Variants in CLIP1 observed in about 807,000 individuals in gnomAD.
CLIP1 encodes CAP-Gly domain containing linker protein 1, also known as CAP-Gly domain-containing linker protein 1.
In CLIP1, 66 loss-of-function variants were observed where a neutral mutation model predicts 161.6. That is an observed-to-expected ratio of 0.41 (90% CI 0.33 to 0.50). CLIP1 has a LOEUF of 0.50. Among genes scored for constraint, CLIP1 ranks in the 20% least tolerant of loss-of-function variants. The pLI, the probability that CLIP1 is intolerant of heterozygous loss-of-function variation, is 0.27. For missense variants in CLIP1, 1,376 were observed against 1,702.0 expected (o/e 0.81, Z 3.37); for synonymous variants, 598 against 626.2 (o/e 0.96, Z 0.67).
At chr12:122,414,225 T>C (rs1253404763) in intron 1 of CLIP1, among the ~76,000 whole-genome samples, 2 of 152,194 alleles carry the variant, frequency 1.3e-5, no homozygotes, top group East Asian at 3.9e-4. Context: ...TGTAGCCTCC[T>C]GGGATCAGAT....
intron 12 of CLIP1, among the ~76,000 whole-genome samples, chr12:122,336,224 C>T (rs528755988): frequency 2.0e-5 from 3 of 152,170 alleles, no homozygotes; most frequent in Admixed American, 6.5e-5. Flanking sequence ...CAACAGAGGG[C>T]GCCTACGGCC....
intron 4 of CLIP1, among the ~76,000 whole-genome samples, chr12:122,361,891 A>T (rs1429796592): frequency 6.6e-6 from 1 of 152,210 alleles, no homozygotes; most frequent in Non-Finnish European, 1.5e-5. Context: ...TCACTACAAA[A>T]GAAGTTATTC....
At chr12:122,313,335 C>A (rs1324753758) in intron 19 of CLIP1, among the ~76,000 whole-genome samples, 1 of 152,194 alleles carries the variant, frequency 6.6e-6, no homozygotes, top group Non-Finnish European at 1.5e-5. Flanking sequence ...AACAGCTCAG[C>A]ACAGGCTGGG....
chr12:122,335,511 C>A (rs1952175903), intron 12 of CLIP1, among the ~76,000 whole-genome samples: 1 of 151,790 alleles, frequency 6.6e-6, no homozygotes, highest in Non-Finnish European at 1.5e-5. Flanking sequence ...AAAACATTTT[C>A]TTAAAGGACA....
At position 122,347,469 on chromosome 12, in the gene CLIP1, T is replaced by A. The variant is rs772176134; in HGVS notation, c.1412A>T (p.Lys471Ile). ...ISEDPENTQT[K>I]LEHARIKELE... The stretch of plus-strand genomic sequence containing the variant: ...CTCCTTAATGCGGGCATGCTCCAGT[T>A]TGGTCTGCGTCTGTTAGTAAAAAGG... The change falls in exon 10 of 26, where the codon AAA becomes ATA. Residue 471 changes from lysine (K) to isoleucine (I), a missense_variant. Coordinates refer to ENST00000620786, the MANE Select transcript of CLIP1 (RefSeq NM_001247997.2). 6.2e-7 allele frequency: 1 copy of A among 1,613,026 alleles called. No homozygotes were observed. Among genetic ancestry groups the A allele is most frequent in the Non-Finnish European group, 8.5e-7 (1 of 1,179,100 alleles).
At chr12:122,320,538 A>G (rs929566424) in intron 17 of CLIP1, among the ~76,000 whole-genome samples, 5 of 151,918 alleles carry the variant, frequency 3.3e-5, no homozygotes, top group African/African-American at 4.8e-5. Context: ...TCAGGAGTCA[A>G]TATGGTGAAA....
At chr12:122,404,912 CA>C (rs373167612) in intron 1 of CLIP1, among the ~76,000 whole-genome samples, 2 of 124,218 alleles carry the variant, frequency 1.6e-5, no homozygotes, top group East Asian at 2.3e-4. Flanking sequence ...AAAAAAAAAA[CA>C]AAACAAAAAA....
intron 1 of CLIP1, among the ~76,000 whole-genome samples, chr12:122,398,123 T>A (rs1423556110): frequency 6.6e-6 from 1 of 151,826 alleles, no homozygotes; most frequent in African/African-American, 2.4e-5. Flanking sequence ...TCAAATAAAT[T>A]AATTTTAAGG....
chr12:122,416,299 A>G (rs2137213048), intron 1 of CLIP1, among the ~76,000 whole-genome samples: 2 of 152,340 alleles, frequency 1.3e-5, no homozygotes, highest in Non-Finnish European at 2.9e-5. Context: ...CTGAACATCA[A>G]GTACTGGGCT....
chr12:122,415,050 T>A (rs1164786548), intron 1 of CLIP1, among the ~76,000 whole-genome samples: 1 of 151,774 alleles, frequency 6.6e-6, no homozygotes. Flanking sequence ...GGAGTGAGAC[T>A]CTGTCTCAAA....
chr12:122,332,865 A>G, intron 15 of CLIP1, 122 bp downstream of exon 15: 1 of 753,284 alleles, frequency 1.3e-6, no homozygotes, highest in Non-Finnish European at 2.1e-6. Context: ...GTAATAACAG[A>G]AAAGAACAGA....
intron 1 of CLIP1, among the ~76,000 whole-genome samples, chr12:122,392,789 G>T (rs1259299838): frequency 1.3e-5 from 2 of 150,720 alleles, no homozygotes; most frequent in Admixed American, 6.6e-5. Flanking sequence ...TTGTTTTTTG[G>T]TTTTTTTTTG....
rs1955216021 is a variant in CLIP1 at position 122,272,473 on chromosome 12, C to A, written c.*402G>T. On this transcript the variant is annotated 3_prime_UTR_variant, in exon 26 of 26. Transcript: ENST00000620786. ...ACTCATTCCAGTGTCAAAGCTTAAC[C>A]AAAAAATCTAAATATACAAATGCAG... is the stretch of plus-strand genomic sequence containing the variant. The A allele has an allele frequency of 1.2e-5, 2 of 167,016 alleles. No individual in the cohort carries two copies. Among genetic ancestry groups the A allele is most frequent in the Admixed American group, 5.9e-5 (1 of 16,846 alleles). The allele number at this position is 167,016 out of a possible 1,614,324, so 10.3% of individuals were successfully genotyped here.
chr12:122,289,963 C>T (rs547422663), intron 20 of CLIP1, among the ~76,000 whole-genome samples: 4 of 152,168 alleles, frequency 2.6e-5, no homozygotes, highest in Non-Finnish European at 5.9e-5. Context: ...TGCCTACCAC[C>T]ATGCCCAGCT....
chr12:122,275,678 T>C (rs1955397518), intron 24 of CLIP1: 1 of 123,230 alleles, frequency 8.1e-6, no homozygotes, highest in Admixed American at 7.9e-5. Flanking sequence ...ACACACAAAA[T>C]GCATAAAAAG....
At chr12:122,336,786 C>T in intron 11 of CLIP1, 38 bp from the exon 12 acceptor site, 1 of 864,472 alleles carries the variant, frequency 1.2e-6, no homozygotes, top group African/African-American at 1.8e-5. Flanking sequence ...AGCAAATGAA[C>T]AAAAGGAAAA....
In CLIP1 at chr12:122,299,612, C is replaced by CAA. The variant is rs71082962; in HGVS notation, c.3594+10148_3594+10149dup. Among the ~76,000 whole-genome samples, 152 of 62,500 alleles carry CAA rather than the reference C, an allele frequency of 2.4e-3. 6 individuals are homozygous for CAA. The highest frequency in any genetic ancestry group is 5.5e-3 in the African/African-American group (79 of 14,338). The allele number at this position is 62,500 out of a possible 152,430, so 41.0% of individuals were successfully genotyped here. On this transcript the variant is annotated intron_variant, in intron 20 of 25. Coordinates refer to ENST00000620786, the MANE Select transcript of CLIP1 (RefSeq NM_001247997.2). ...TTTTGTTTTTAAAGAATAAATTCAG[C>CAA]AAAAAAAAAAAAAAAAAAAAGATGC...
chr12:122,359,997 T>C (rs956923954), intron 5 of CLIP1, among the ~76,000 whole-genome samples: 1 of 152,154 alleles, frequency 6.6e-6, no homozygotes, highest in African/African-American at 2.4e-5. Context: ...AATGAGGTGT[T>C]GCCTATTTTA....
At chr12:122,300,549 A>G (rs1345333258) in intron 20 of CLIP1, among the ~76,000 whole-genome samples, 2 of 152,046 alleles carry the variant, frequency 1.3e-5, no homozygotes, top group Non-Finnish European at 2.9e-5. Flanking sequence ...GGTTTATTTC[A>G]TTTTCTTAGG....
Sources: gnomAD v4.1 joint callset for allele counts (sites outside exome capture counted in the v4.1 genomes callset) on GRCh38, gnomAD v4.1.1 for gene constraint, MANE v1.5 for transcripts, NCBI Gene and HGNC (gene_info 2026-07-23, HGNC 2026-07-21) for gene names.